TRMT11: variants seen among roughly 807,000 people sequenced by gnomAD.
The protein encoded by TRMT11 is tRNA (guanine(10)-N(2))-methyltransferase TRMT11.
In TRMT11, 53 loss-of-function variants were observed where a neutral mutation model predicts 62.8. The ratio of observed to expected loss-of-function variants is 0.84; its 90% CI spans 0.68 to 1.06. The LOEUF is 1.06. Ranked by LOEUF, TRMT11 falls within the 50% of genes least tolerant of loss-of-function variation. TRMT11 has a pLI of 0.00. For synonymous variants in TRMT11, 188 were observed against 190.3 expected (o/e 0.99, Z 0.10); for missense variants, 556 against 553.4 (o/e 1.00, Z -0.05).
chr6:126,093,315 C>G (rs1254428806), intron 17 of TRMT11, among the ~76,000 whole-genome samples: 2 of 151,720 alleles, frequency 1.3e-5, no homozygotes, highest in African/African-American at 2.4e-5. Flanking sequence ...GAAGTAAACA[C>G]TATTGGCTCT....
At chr6:126,214,299 A>G in the TRMT11 span, among the ~76,000 whole-genome samples, 2 of 151,916 alleles carry the variant, frequency 1.3e-5, no homozygotes, top group Non-Finnish European at 2.9e-5. Flanking sequence ...AGAATAGTTT[A>G]TGTAGAATTG....
At position 126,011,310 on chromosome 6, in the gene TRMT11, A is replaced by G. The variant is rs547489168; in HGVS notation, c.818A>G (p.Asn273Ser). The change falls in exon 9 of 13, where the codon AAT (asparagine) becomes AGT (serine). Residue 273 changes from asparagine (N) to serine (S), a missense_variant. By Grantham distance (46) the Asn-to-Ser change is conservative. Transcript: ENST00000334379. Reference protein sequence around the residue: ...WRGPDENIRANLRQYGLEKYY... With the variant: ...WRGPDENIRASLRQYGLEKYY... ...GGACCAGATGAAAACATTAGGGCCA[A>G]TCTTCGTCAATATGGTTTAGAGAAG... The G allele has an allele frequency of 9.9e-5, 160 of 1,613,482 alleles. 3 individuals are homozygous for G. The South Asian group carries it at 1.4e-3, about 14-fold the overall frequency.
chr6:126,074,844 AT>A (rs1776968499), intron 17 of TRMT11, among the ~76,000 whole-genome samples: 1 of 152,176 alleles, frequency 6.6e-6, no homozygotes, highest in Admixed American at 6.5e-5. Flanking sequence ...TTAAACAATT[AT>A]TTTCAAGACT....
intron 17 of TRMT11, among the ~76,000 whole-genome samples, chr6:126,078,352 A>T (rs1275370248): frequency 6.6e-6 from 1 of 151,894 alleles, no homozygotes; most frequent in Non-Finnish European, 1.5e-5. Flanking sequence ...ATCCTTAATT[A>T]TCAGTCATCT....
At chr6:126,248,244 G>C in the TRMT11 span, among the ~76,000 whole-genome samples, 1 of 151,950 alleles carries the variant, frequency 6.6e-6, no homozygotes, top group Non-Finnish European at 1.5e-5. Context: ...TCAAGAAAGA[G>C]GTAAAAAATG....
chr6:126,140,744 A>G (rs1291234515), intron 21 of TRMT11, among the ~76,000 whole-genome samples: 1 of 152,088 alleles, frequency 6.6e-6, no homozygotes, highest in Admixed American at 6.6e-5. Flanking sequence ...TCCACCAACA[A>G]AACAACCTAC....
the TRMT11 span, among the ~76,000 whole-genome samples, chr6:126,253,357 T>C: frequency 1.3e-5 from 2 of 152,248 alleles, no homozygotes; most frequent in Non-Finnish European, 2.9e-5. Context: ...TTCCTGAGGC[T>C]GTTTTGCAGT....
At chr6:126,050,627 A>T (rs1156371471) in intron 16 of TRMT11, among the ~76,000 whole-genome samples, 1 of 152,038 alleles carries the variant, frequency 6.6e-6, no homozygotes, top group Non-Finnish European at 1.5e-5. Flanking sequence ...TGAGCCCAGG[A>T]GTTCAAGGTT....
intron 21 of TRMT11, among the ~76,000 whole-genome samples, chr6:126,145,879 C>G (rs72977808): frequency 0.067 from 10,124 of 152,140 alleles, 432 homozygotes; most frequent in Middle Eastern, 0.088. Context: ...CTTTTACTTT[C>G]TACAGGTTAA....
At chr6:126,130,216 A>T (rs774402850) in intron 21 of TRMT11, among the ~76,000 whole-genome samples, 10 of 152,044 alleles carry the variant, frequency 6.6e-5, no homozygotes, top group Non-Finnish European at 1.5e-4. Flanking sequence ...TAGAAGAGAG[A>T]AAGATATGAA....
chr6:126,090,596 T>C (rs1328223718), intron 17 of TRMT11, among the ~76,000 whole-genome samples: 2 of 152,190 alleles, frequency 1.3e-5, no homozygotes, highest in African/African-American at 2.4e-5. Flanking sequence ...AGTGTATGAA[T>C]GTAAATCTTG....
chr6:126,205,665 C>G (rs1778782143), downstream of TRMT11, among the ~76,000 whole-genome samples: 4 of 152,210 alleles, frequency 2.6e-5, no homozygotes, highest in South Asian at 8.3e-4. Flanking sequence ...TGGAAAACAT[C>G]TATGTTCTTT....
chr6:126,145,597 G>A (rs1200306192), intron 21 of TRMT11, among the ~76,000 whole-genome samples: 1 of 152,104 alleles, frequency 6.6e-6, no homozygotes, highest in Non-Finnish European at 1.5e-5. Flanking sequence ...CCCCAGTAAT[G>A]TAAGGAGAAG....
intron 17 of TRMT11, among the ~76,000 whole-genome samples, chr6:126,082,232 G>A (rs1777165364): frequency 6.6e-6 from 1 of 151,884 alleles, no homozygotes; most frequent in Non-Finnish European, 1.5e-5. Flanking sequence ...ACAGCCTTAG[G>A]GGTGACTCTG....
the TRMT11 span, among the ~76,000 whole-genome samples, chr6:126,267,303 T>C: frequency 6.6e-6 from 1 of 152,332 alleles, no homozygotes; most frequent in Admixed American, 6.5e-5. Flanking sequence ...GATGTAGGTA[T>C]GATGAGCCTG....
chr6:126,050,336 A>G (rs2128106885), intron 16 of TRMT11, among the ~76,000 whole-genome samples: 1 of 151,788 alleles, frequency 6.6e-6, no homozygotes, highest in South Asian at 2.1e-4. Flanking sequence ...TCTCAAAAAA[A>G]AAAAAAAAAA....
At chr6:126,129,626 G>A (rs1421891968) in intron 21 of TRMT11, among the ~76,000 whole-genome samples, 1 of 151,964 alleles carries the variant, frequency 6.6e-6, no homozygotes, top group Non-Finnish European at 1.5e-5. Context: ...AGCCTCAGGT[G>A]ATCCTCCTGC....
At chr6:126,178,206 G>T (rs1778411462) in intron 1 of TRMT11, among the ~76,000 whole-genome samples, 1 of 152,174 alleles carries the variant, frequency 6.6e-6, no homozygotes, top group Admixed American at 6.5e-5. Context: ...GCAACACTCA[G>T]ATCACCCTTC....
chr6:126,062,073 A>T (rs1776551003), intron 17 of TRMT11, among the ~76,000 whole-genome samples: 1 of 152,036 alleles, frequency 6.6e-6, no homozygotes, highest in African/African-American at 2.4e-5. Context: ...TTTTTTTGAT[A>T]GAGATGAGGT....
Sources: allele counts gnomAD v4.1 joint callset (sites outside exome capture counted in the v4.1 genomes callset), GRCh38; gene constraint gnomAD v4.1.1; transcripts MANE v1.5; gene names NCBI Gene and HGNC (gene_info 2026-07-23, HGNC 2026-07-21).